DCUN1D4: variants seen among roughly 807,000 people sequenced by gnomAD.
DCUN1D4 encodes DCN1-like protein 4.
In DCUN1D4, 22 loss-of-function variants were observed where a neutral mutation model predicts 47.9. That is an observed-to-expected ratio of 0.46 (90% confidence interval 0.33 to 0.66). The LOEUF (loss-of-function observed/expected upper bound fraction) is 0.66, where lower values mean the gene tolerates loss of function less well. Among genes scored for constraint, DCUN1D4 ranks in the 30% least tolerant of loss-of-function variants. The pLI is 0.02. For missense variants in DCUN1D4, 301 were observed against 340.8 expected (o/e 0.88, Z 0.92); for synonymous variants, 121 against 112.2 (o/e 1.08, Z -0.50).
chr4:51,877,365 G>T (rs1337075238), intron 4 of DCUN1D4: 4 of 153,368 alleles, frequency 2.6e-5, no homozygotes, highest in African/African-American at 9.6e-5. Context: ...TCCGTGCCCA[G>T]TCTAACTTGT....
At chr4:51,911,353 C>T (rs764529802) in intron 9 of DCUN1D4, among the ~76,000 whole-genome samples, 179 bp downstream of exon 9, 7 of 152,136 alleles carry the variant, frequency 4.6e-5, no homozygotes, top group East Asian at 1.9e-4. Flanking sequence ...TCTGTGTATG[C>T]GTTTAATGTT....
chr4:51,891,791 A>T lies in DCUN1D4; in HGVS notation c.446A>T (p.Asp149Val). 1.2e-6 allele frequency: 2 copies of T among 1,612,952 alleles called. No homozygotes were observed. The highest frequency in any genetic ancestry group is 1.7e-6 in the Non-Finnish European group (2 of 1,179,542). ...ATGCTTGTCCTAGCTTGGAAATTGG[A>T]TGCACAAAACATGGGTTATTTTACT... ...VVMLVLAWKL[D>V]AQNMGYFTLQ... The change falls in exon 7 of 11, where the codon GAT (aspartate) becomes GTT (valine). Residue 149 changes from aspartate to valine, a missense_variant. Asp to Val is a radical substitution (Grantham distance 152, BLOSUM62 -3). Transcript: ENST00000334635.
At chr4:51,887,242 C>T (rs894587288) in intron 6 of DCUN1D4, 1 of 368,528 alleles carries the variant, frequency 2.7e-6, no homozygotes, top group Non-Finnish European at 5.3e-6. Flanking sequence ...GCTGGGACTA[C>T]AGGTGTGCGC....
At chr4:51,851,913 A>T (rs898301098) in intron 1 of DCUN1D4, among the ~76,000 whole-genome samples, 2 of 152,014 alleles carry the variant, frequency 1.3e-5, no homozygotes, top group African/African-American at 4.8e-5. Flanking sequence ...AAGCATTCTG[A>T]CTCCATGGTC....
At chr4:51,851,204 G>A (rs1345068618) in intron 1 of DCUN1D4, among the ~76,000 whole-genome samples, 1 of 152,186 alleles carries the variant, frequency 6.6e-6, no homozygotes, top group Non-Finnish European at 1.5e-5. Context: ...GTCACAGGCA[G>A]GACTGTGTGG....
intron 6 of DCUN1D4, among the ~76,000 whole-genome samples, chr4:51,889,779 ATG>A (rs1730136743): frequency 6.6e-6 from 1 of 152,144 alleles, no homozygotes; most frequent in Admixed American, 6.5e-5. Flanking sequence ...AAATCCACTA[ATG>A]TGTGAATAAT....
At chr4:51,841,880 T>A (rs1235822743), upstream of DCUN1D4, among the ~76,000 whole-genome samples, 1 of 151,168 alleles carries the variant, frequency 6.6e-6, no homozygotes, top group Non-Finnish European at 1.5e-5. Flanking sequence ...ACCTACTCTT[T>A]GAGGCTCCCA....
the DCUN1D4 span, among the ~76,000 whole-genome samples, chr4:51,834,103 C>CTTTTTTTTTTTTTTTTTTTTTTTTTTTT: frequency 2.7e-3 from 113 of 42,574 alleles, 29 homozygotes; most frequent in African/African-American, 4.6e-3. Context: ...TTTCTTCTTT[C>CTTTTTTTTTTTTTTTTTTTTTTTTTTTT]TTTTTTTTTT....
intron 1 of DCUN1D4, among the ~76,000 whole-genome samples, chr4:51,847,585 A>G (rs191039963): frequency 1.9e-3 from 287 of 150,302 alleles, no homozygotes; most frequent in Non-Finnish European, 3.1e-3. Context: ...CCTTTCTTAC[A>G]GTGTTATAAT....
intron 1 of DCUN1D4, among the ~76,000 whole-genome samples, chr4:51,852,692 A>C (rs962162024): frequency 4.6e-5 from 7 of 152,212 alleles, no homozygotes; most frequent in Admixed American, 4.6e-4. Context: ...TTGGCACATA[A>C]TATGGACCAG....
In DCUN1D4 at chr4:51,863,845, A is replaced by G. The variant is rs144145405; in HGVS notation, c.136+136A>G. Reference sequence around the variant, plus strand: ...TGTTCCTTGGCTGAGGTTGTTTTTCAGGGAGTAATGAAGGCAGCCATGTTA... The same window carrying G: ...TGTTCCTTGGCTGAGGTTGTTTTTCGGGGAGTAATGAAGGCAGCCATGTTA... On this transcript the variant is annotated intron_variant, in intron 3 of 10. Coordinates refer to ENST00000334635, the MANE Select transcript of DCUN1D4 (RefSeq NM_001040402.3). The G allele has an allele frequency of 2.5e-3, 2,348 of 921,980 alleles. 17 individuals carry two copies. Among genetic ancestry groups the G allele is most frequent in the African/African-American group, 0.025 (1,441 of 58,442 alleles). The allele number at this position is 921,980 out of a possible 1,614,324, so 57.1% of individuals were successfully genotyped here. A position where few individuals can be genotyped will look rare whatever the true frequency, so the allele number is the denominator to read the frequency against.
At chr4:51,898,767 G>A (rs1253085349) in intron 7 of DCUN1D4, among the ~76,000 whole-genome samples, 1 of 152,218 alleles carries the variant, frequency 6.6e-6, no homozygotes, top group Non-Finnish European at 1.5e-5. Context: ...GAAAAAGGCA[G>A]AGAACTCTTC....
At chr4:51,835,057 G>C in the DCUN1D4 span, among the ~76,000 whole-genome samples, 1 of 152,074 alleles carries the variant, frequency 6.6e-6, no homozygotes, top group South Asian at 2.1e-4. Context: ...ACTATGCTAG[G>C]TGTTTACTGA....
At chr4:51,871,423 C>T (rs924366493) in intron 3 of DCUN1D4, among the ~76,000 whole-genome samples, 1 of 152,136 alleles carries the variant, frequency 6.6e-6, no homozygotes, top group Admixed American at 6.6e-5. Flanking sequence ...TAGGAAGAAC[C>T]AGGTGGTAGA....
chr4:51,837,946 G>C, the DCUN1D4 span, among the ~76,000 whole-genome samples: 1 of 152,250 alleles, frequency 6.6e-6, no homozygotes, highest in African/African-American at 2.4e-5. Context: ...AGAGGCTTGA[G>C]GCGGGCAGAT....
chr4:51,869,123 CAAAAA>C (rs531280197), intron 3 of DCUN1D4, among the ~76,000 whole-genome samples: 1 of 38,588 alleles, frequency 2.6e-5, no homozygotes, highest in African/African-American at 9.1e-5. Flanking sequence ...GACTCCATCT[CAAAAA>C]AAAAAAAAAA....
chr4:51,860,363 G>A (rs191830591), intron 1 of DCUN1D4, among the ~76,000 whole-genome samples: 2 of 152,236 alleles, frequency 1.3e-5, no homozygotes, highest in African/African-American at 4.8e-5. Context: ...CGTGGAACCT[G>A]ATTTTAAACA....
Position 51,843,587 on chromosome 4 carries a change from T to A in DCUN1D4, c.25+320T>A, listed in dbSNP as rs1184872224. 1.4e-5 allele frequency: 13 copies of A among 904,826 alleles called. No homozygotes were observed. In the African/African-American group the frequency reaches 4.7e-4, roughly 33 times the overall value. The allele number at this position is 904,826 out of a possible 1,614,324, so 56.0% of individuals were successfully genotyped here. A position where few individuals can be genotyped will look rare whatever the true frequency, so the allele number is the denominator to read the frequency against. On this transcript the variant is annotated intron_variant, in intron 1 of 10. Transcript: ENST00000334635. Reference sequence around the variant, plus strand: ...CCGAGATCGGAGTGTCCGGGGTGCATGGAGGTGGAGGCAGCGTTGGGCTGT... The same window carrying A: ...CCGAGATCGGAGTGTCCGGGGTGCAAGGAGGTGGAGGCAGCGTTGGGCTGT...
upstream of DCUN1D4, among the ~76,000 whole-genome samples, chr4:51,840,884 C>CT (rs1322494133): frequency 6.6e-6 from 1 of 152,128 alleles, no homozygotes; most frequent in Non-Finnish European, 1.5e-5. Flanking sequence ...ATAGCTGACT[C>CT]TTTATAAAGA....
Sources: gnomAD v4.1 joint callset for allele counts (sites outside exome capture counted in the v4.1 genomes callset) on GRCh38, gnomAD v4.1.1 for gene constraint, MANE v1.5 for transcripts, NCBI Gene and HGNC (gene_info 2026-07-23, HGNC 2026-07-21) for gene names.